The following ARHGAP10 variants were observed in gnomAD, a reference collection of about 807,000 sequenced individuals.
The protein encoded by ARHGAP10 is Rho GTPase activating protein 10.
ARHGAP10 carries 87 observed loss-of-function variants against 108.6 expected under a neutral mutation model. The ratio of observed to expected loss-of-function variants is 0.80; its 90% CI spans 0.67 to 0.96. The LOEUF (loss-of-function observed/expected upper bound fraction) is 0.96. ARHGAP10 is among the 40% of genes least tolerant of loss of function. The pLI is 0.00. For synonymous variants in ARHGAP10, 347 were observed against 341.1 expected (o/e 1.02, Z -0.19); for missense variants, 939 against 954.5 (o/e 0.98, Z 0.21).
At chr4:147,945,258 T>C (rs997029213) in intron 14 of ARHGAP10, among the ~76,000 whole-genome samples, 1 of 152,082 alleles carries the variant, frequency 6.6e-6, no homozygotes, top group Non-Finnish European at 1.5e-5. Context: ...ATTGACACTT[T>C]CCATTCCACA....
chr4:147,850,159 G>A (rs1239923848), intron 4 of ARHGAP10, among the ~76,000 whole-genome samples: 1 of 152,064 alleles, frequency 6.6e-6, no homozygotes, highest in African/African-American at 2.4e-5. Flanking sequence ...AGTGCTCTTT[G>A]TCTAGCTAAT....
chr4:148,013,504 C>T (rs765518506), intron 18 of ARHGAP10, among the ~76,000 whole-genome samples: 6 of 152,154 alleles, frequency 3.9e-5, no homozygotes, highest in Non-Finnish European at 5.9e-5. Flanking sequence ...CTGGCTAACA[C>T]GGTGAAATGC....
intron 1 of ARHGAP10, among the ~76,000 whole-genome samples, chr4:147,810,723 G>A (rs549815241): frequency 6.6e-6 from 1 of 152,270 alleles, no homozygotes; most frequent in South Asian, 2.1e-4. Flanking sequence ...GGTATGGTGA[G>A]GGCAGTAGTC....
intron 18 of ARHGAP10, among the ~76,000 whole-genome samples, chr4:147,980,529 T>G (rs776592997): frequency 2.6e-5 from 4 of 152,186 alleles, no homozygotes; most frequent in Admixed American, 2.0e-4. Context: ...CAGCTTTTAG[T>G]GTTAGGATGA....
chr4:147,875,479 G>A (rs905682507), intron 8 of ARHGAP10, among the ~76,000 whole-genome samples: 1 of 152,128 alleles, frequency 6.6e-6, no homozygotes, highest in Non-Finnish European at 1.5e-5. Context: ...CCAGAGTTAC[G>A]AGGGTATGAT....
At position 147,732,228 on chromosome 4, in the gene ARHGAP10, C is replaced by T; in HGVS notation, c.-74C>T. The T allele has an allele frequency of 7.1e-7, 1 of 1,409,852 alleles. No homozygotes were observed. Among genetic ancestry groups the T allele is most frequent in the Non-Finnish European group, 9.2e-7 (1 of 1,084,578 alleles). 87.3% of individuals were successfully genotyped at this position (1,409,852 alleles called of 1,614,324 possible). ...TGCTCCCTGAACGCGCGGCGCCGCA[C>T]CTGGCAGCGGCCTCGGAGCTCGGCT... On this transcript the variant is annotated 5_prime_UTR_variant, in exon 1 of 23. Transcript: ENST00000336498.
At chr4:147,784,460 ATT>A (rs1203506685) in intron 1 of ARHGAP10, among the ~76,000 whole-genome samples, 2 of 124,842 alleles carry the variant, frequency 1.6e-5, no homozygotes, top group South Asian at 2.7e-4. Flanking sequence ...TATGATATAT[ATT>A]ATATAATTTA....
intron 15 of ARHGAP10, among the ~76,000 whole-genome samples, chr4:147,947,957 T>C (rs1430362069): frequency 6.6e-6 from 1 of 151,522 alleles, no homozygotes; most frequent in Admixed American, 6.6e-5. Flanking sequence ...TTTTTTTTTT[T>C]TTGAGACAGA....
intron 18 of ARHGAP10, among the ~76,000 whole-genome samples, chr4:147,999,746 G>A (rs1007391892): frequency 5.3e-5 from 8 of 152,120 alleles, no homozygotes; most frequent in Admixed American, 1.3e-4. Context: ...CAGAGAACAC[G>A]AGGCTTGCCA....
intron 10 of ARHGAP10, among the ~76,000 whole-genome samples, chr4:147,893,381 A>AT (rs983966591): frequency 3.3e-4 from 49 of 149,622 alleles, no homozygotes; most frequent in African/African-American, 5.1e-4. Context: ...TTAAATGTAA[A>AT]TTTTTTTTTA....
chr4:147,808,890 G>A (rs1731899119), intron 1 of ARHGAP10: 1 of 152,070 alleles, frequency 6.6e-6, no homozygotes, highest in Non-Finnish European at 1.5e-5. Context: ...TTCAACTCTA[G>A]ATTTCCTCTA....
intron 13 of ARHGAP10, among the ~76,000 whole-genome samples, chr4:147,934,115 A>G (rs940562367): frequency 6.6e-6 from 1 of 152,236 alleles, no homozygotes; most frequent in African/African-American, 2.4e-5. Context: ...TGCTGAGACC[A>G]CTGTTAGTAT....
chr4:147,827,014 C>T (rs1315656820), intron 3 of ARHGAP10, among the ~76,000 whole-genome samples: 1 of 152,084 alleles, frequency 6.6e-6, no homozygotes, highest in Non-Finnish European at 1.5e-5. Flanking sequence ...TTCTCCTTTA[C>T]AAGAATTCCT....
intron 18 of ARHGAP10, among the ~76,000 whole-genome samples, chr4:147,969,756 C>A: frequency 6.6e-6 from 1 of 152,176 alleles, no homozygotes; most frequent in East Asian, 1.9e-4. Flanking sequence ...AAGCCTGTTA[C>A]AATAGTTACA....
At chr4:147,868,928 G>T (rs1186791714) in intron 7 of ARHGAP10, among the ~76,000 whole-genome samples, 1 of 152,110 alleles carries the variant, frequency 6.6e-6, no homozygotes, top group Non-Finnish European at 1.5e-5. Flanking sequence ...GGCAGCCTGG[G>T]GGTTGGGGAC....
intron 10 of ARHGAP10, among the ~76,000 whole-genome samples, chr4:147,886,466 T>C (rs1335898046): frequency 6.6e-6 from 1 of 152,340 alleles, no homozygotes. Context: ...TCTTTCCTAA[T>C]AAGTACCCTT....
chr4:147,908,651 AC>A (rs1489384918), intron 11 of ARHGAP10, among the ~76,000 whole-genome samples: 1 of 152,212 alleles, frequency 6.6e-6, no homozygotes, highest in East Asian at 1.9e-4. Flanking sequence ...TTTCTGCTGT[AC>A]TTACTTAAAT....
At chr4:147,945,332 A>C (rs555593281) in intron 14 of ARHGAP10, among the ~76,000 whole-genome samples, 53 of 151,856 alleles carry the variant, frequency 3.5e-4, no homozygotes, top group Admixed American at 2.3e-3. Flanking sequence ...TTTAGAACTT[A>C]CTAGCCGTTT....
At chr4:148,019,738 C>T (rs1286815643) in intron 18 of ARHGAP10, among the ~76,000 whole-genome samples, 2 of 151,484 alleles carry the variant, frequency 1.3e-5, no homozygotes, top group Non-Finnish European at 1.5e-5. Context: ...GCACTCCAGC[C>T]TGGGTGACAG....
Sources: gnomAD v4.1 joint callset for allele counts (sites outside exome capture counted in the v4.1 genomes callset) on GRCh38, gnomAD v4.1.1 for gene constraint, MANE v1.5 for transcripts, NCBI Gene and HGNC (gene_info 2026-07-23, HGNC 2026-07-21) for gene names.